SULF2: variants seen among roughly 807,000 people sequenced by gnomAD.
SULF2 encodes extracellular sulfatase Sulf-2.
SULF2 carries 52 observed loss-of-function variants against 107.7 expected under a neutral mutation model. The ratio of observed to expected loss-of-function variants is 0.48; its 90% CI spans 0.39 to 0.61. SULF2 has a LOEUF of 0.61. Ranked by LOEUF, SULF2 falls within the 20% of genes least tolerant of loss-of-function variation. The probability of loss-of-function intolerance (pLI) is 0.00; values close to 1 mark genes in which losing one functional copy is unlikely to be tolerated. For missense variants in SULF2, 993 were observed against 1,177.3 expected, an observed-to-expected ratio of 0.84 and a Z score of 2.29; for synonymous variants, 460 against 464.3, an observed-to-expected ratio of 0.99 and a Z score of 0.12.
intron 10 of SULF2, among the ~76,000 whole-genome samples, chr20:47,674,540 C>T (rs1351153989): frequency 1.4e-4 from 21 of 152,352 alleles, no homozygotes; most frequent in South Asian, 2.1e-4. Flanking sequence ...TACTCCTGCC[C>T]GGCCTGGGCC....
chr20:47,666,400 A>T lies in SULF2; in HGVS notation c.1665T>A (p.Asp555Glu), dbSNP rs2087272834. The T allele has an allele frequency of 1.2e-6, 2 of 1,613,854 alleles. No individual in the cohort carries two copies. Among genetic ancestry groups the T allele is most frequent in the African/African-American group, 2.7e-5 (2 of 74,924 alleles). Reference sequence around the variant, plus strand: ...TGGTGAGGTTTCGGGGCTGGGCGGCATCACCCAGGCCTACGTGGTACACCC... The same window carrying T: ...TGGTGAGGTTTCGGGGCTGGGCGGCTTCACCCAGGCCTACGTGGTACACCC... ...DGRVYHVGLG[D>E]AAQPRNLTKR... The change falls in exon 12 of 21, where the codon GAT (aspartate) becomes GAA (glutamate). Residue 555 changes from aspartate (D) to glutamate (E), a missense_variant. This residue lies in a region of SULF2 where 497 missense variants were observed against 544.1 expected (regional missense o/e 0.91). Coordinates refer to ENST00000688720, the MANE Select transcript of SULF2 (RefSeq NM_001387048.1). The surrounding 1 kb of genome is among the most constrained non-coding windows in gnomAD (Gnocchi z 5.4).
In SULF2 at chr20:47,746,111, C is replaced by T. The variant is rs566918704; in HGVS notation, c.176-9169G>A. Among the ~76,000 whole-genome samples the T allele has an allele frequency of 6.6e-5, 10 of 152,380 alleles. No homozygotes were observed. The South Asian group carries it at 2.1e-3, about 32-fold the overall frequency. On this transcript the variant is annotated intron_variant, in intron 2 of 20. Coordinates refer to ENST00000688720, the MANE Select transcript of SULF2 (RefSeq NM_001387048.1). Reference sequence around the variant, plus strand: ...GTCCTCCTCTGGTCTTCCACCACCCCTACCATGCCGACTTCCTCCTTGCCA... The same window carrying T: ...GTCCTCCTCTGGTCTTCCACCACCCTTACCATGCCGACTTCCTCCTTGCCA...
chr20:47,761,460 C>T (rs926038548), intron 1 of SULF2, among the ~76,000 whole-genome samples: 2 of 152,196 alleles, frequency 1.3e-5, no homozygotes, highest in Non-Finnish European at 2.9e-5. Flanking sequence ...AAAACACAAA[C>T]ACATGTTTTG....
At chr20:47,762,919 T>C (rs1311887629) in intron 1 of SULF2, among the ~76,000 whole-genome samples, 1 of 152,228 alleles carries the variant, frequency 6.6e-6, no homozygotes, top group African/African-American at 2.4e-5. Context: ...TCAGATCAAG[T>C]CATCAGTGGG....
chr20:47,737,769 T>TG (rs2089778792), intron 2 of SULF2, among the ~76,000 whole-genome samples: 3 of 138,092 alleles, frequency 2.2e-5, no homozygotes, highest in Admixed American at 1.4e-4. Context: ...TTTTTTTTTT[T>TG]TTTTTTTTTT....
At chr20:47,667,163 A>G (rs1341309434) in intron 11 of SULF2, among the ~76,000 whole-genome samples, 2 of 152,350 alleles carry the variant, frequency 1.3e-5, no homozygotes, top group South Asian at 4.1e-4. Context: ...AAAGGAAAAA[A>G]AGTATCATGG....
In SULF2 at chr20:47,757,820, G is replaced by A. The variant is rs1018076802; in HGVS notation, c.-100-357C>T. Among the ~76,000 whole-genome samples the A allele has an allele frequency of 3.9e-5, 6 of 152,206 alleles. No individual in the cohort carries two copies. The East Asian group carries it at 9.7e-4, about 24-fold the overall frequency. ...CGTCCCCAGGGAGAGGAACAGCAGC[G>A]GGCTGGTCTCAAGGGGTGAATATTT... On this transcript the variant is annotated intron_variant, in intron 1 of 20. Transcript: ENST00000688720.
chr20:47,752,089 T>G (rs1252172872), intron 2 of SULF2, among the ~76,000 whole-genome samples: 1 of 152,218 alleles, frequency 6.6e-6, no homozygotes, highest in Non-Finnish European at 1.5e-5. Context: ...ACTCTAATGT[T>G]GCTGTTCAGT....
chr20:47,672,120 C>T, intron 11 of SULF2, 78 bp downstream of exon 11: 1 of 1,446,036 alleles, frequency 6.9e-7, no homozygotes, highest in Non-Finnish European at 9.4e-7. Flanking sequence ...CTCTGTGGAA[C>T]TGTCGGAGTG....
intron 3 of SULF2, among the ~76,000 whole-genome samples, chr20:47,719,592 C>T (rs1188115369): frequency 1.3e-5 from 2 of 152,146 alleles, no homozygotes; most frequent in Non-Finnish European, 2.9e-5. Flanking sequence ...ATCTCTAATC[C>T]GCTGTTAATT....
intron 3 of SULF2, among the ~76,000 whole-genome samples, chr20:47,703,693 AC>A (rs1290577337): frequency 6.6e-6 from 1 of 152,242 alleles, no homozygotes; most frequent in Non-Finnish European, 1.5e-5. Flanking sequence ...TCATACACTC[AC>A]CTAAACTCAG....
Position 47,665,285 on chromosome 20 carries a change from G to A in SULF2, c.1911C>T (p.Thr637=). 1 of 1,611,386 alleles carries A rather than the reference G, an allele frequency of 6.2e-7. No individual in the cohort carries two copies. Among genetic ancestry groups the A allele is most frequent in the Non-Finnish European group, 8.5e-7 (1 of 1,177,628 alleles). The part of the protein sequence containing the change: ...HKLHIDHEIE[T]LQNKIKNLRE... ...TCAGGTTCTTAATTTTGTTCTGCAGGGTTTCAATCTGAGGGAGGGGCAGAA... is the reference window on the plus strand; with the variant it reads ...TCAGGTTCTTAATTTTGTTCTGCAGAGTTTCAATCTGAGGGAGGGGCAGAA... Residue 637 remains threonine, a synonymous_variant, in exon 14 of 21, where the codon ACC becomes ACT. Transcript: ENST00000688720.
intron 2 of SULF2, among the ~76,000 whole-genome samples, chr20:47,737,755 GT>G (rs11484375): frequency 0.047 from 2,899 of 61,766 alleles, 16 homozygotes; most frequent in African/African-American, 0.077. Flanking sequence ...TCTTTTCTTT[GT>G]TTTTTTTTTT....
intron 2 of SULF2, among the ~76,000 whole-genome samples, chr20:47,750,778 G>A (rs867612327): frequency 6.6e-6 from 1 of 152,156 alleles, no homozygotes; most frequent in Admixed American, 6.5e-5. Flanking sequence ...TCTTGTGCAC[G>A]CTGCTCTGGC....
At chr20:47,668,855 C>G (rs1002830877) in intron 11 of SULF2, among the ~76,000 whole-genome samples, 1 of 152,172 alleles carries the variant, frequency 6.6e-6, no homozygotes. Context: ...TCGGCCACAC[C>G]GGTCACCTCT....
intron 3 of SULF2, among the ~76,000 whole-genome samples, chr20:47,732,663 G>A (rs773810156): frequency 6.6e-6 from 1 of 152,136 alleles, no homozygotes; most frequent in East Asian, 1.9e-4. Context: ...CCAACATGGT[G>A]AAACCCCGTC....
chr20:47,725,267 C>T (rs1041595367), intron 3 of SULF2, among the ~76,000 whole-genome samples: 3 of 152,136 alleles, frequency 2.0e-5, no homozygotes, highest in African/African-American at 7.2e-5. Flanking sequence ...TTTCTTATTC[C>T]GTACATTCCT....
chr20:47,668,978 C>G lies in SULF2; in HGVS notation c.1577-2490G>C, dbSNP rs73131837. ...GTCACAAGACCTGCTCCTTTCTGTA[C>G]TTTGTTCTCATTAAATGTCCATTGA... On this transcript the variant is annotated intron_variant, in intron 11 of 20. Transcript: ENST00000688720. 6.0e-3 allele frequency among the ~76,000 whole-genome samples: 908 copies of G among 152,336 alleles called. 3 individuals carry two copies. The highest frequency in any genetic ancestry group is 0.01 in the Middle Eastern group (3 of 294).
chr20:47,676,755 C>G, intron 9 of SULF2, 132 bp from the exon 10 acceptor site: 1 of 1,070,866 alleles, frequency 9.3e-7, no homozygotes, highest in South Asian at 1.7e-5. Context: ...GCAGGGCCAC[C>G]TGCCCGGGTC....
Sources: allele counts gnomAD v4.1 joint callset (sites outside exome capture counted in the v4.1 genomes callset), GRCh38; gene constraint gnomAD v4.1.1; regional missense constraint gnomAD v4.1.1; non-coding constraint Gnocchi (gnomAD v3.1); transcripts MANE v1.5; gene names NCBI Gene and HGNC (gene_info 2026-07-23, HGNC 2026-07-21).